ARF4: variants seen among roughly 807,000 people sequenced by gnomAD.
ARF4 encodes ADP-ribosylation factor 4.
Under a neutral mutation model 24.3 loss-of-function variants are expected in ARF4, and 5 were observed. The ratio of observed to expected loss-of-function variants is 0.21; its 90% CI spans 0.11 to 0.43. The LOEUF (loss-of-function observed/expected upper bound fraction) is 0.43, where lower values mean the gene tolerates loss of function less well. Ranked by LOEUF, ARF4 falls within the 20% of genes least tolerant of loss-of-function variation. The probability of loss-of-function intolerance (pLI) is 1.00; values close to 1 mark genes in which losing one functional copy is unlikely to be tolerated. For missense variants in ARF4, 107 were observed against 213.0 expected, an observed-to-expected ratio of 0.50 and a Z score of 3.10; for synonymous variants, 62 against 73.5, an observed-to-expected ratio of 0.84 and a Z score of 0.80.
At chr3:57,577,236 G>A (rs1371311814) in intron 4 of ARF4, 80 bp downstream of exon 4, 1 of 1,187,092 alleles carries the variant, frequency 8.4e-7, no homozygotes, top group South Asian at 1.3e-5. Context: ...TCTAATCATA[G>A]TCAAAATGTA....
chr3:57,575,435 G>T, intron 5 of ARF4, 113 bp downstream of exon 5: 1 of 1,060,064 alleles, frequency 9.4e-7, no homozygotes, highest in South Asian at 2.6e-5. Context: ...TAAATGATGT[G>T]CTCATTATTT....
At chr3:57,596,967 C>G in intron 1 of ARF4, 107 bp downstream of exon 1, 1 of 1,267,900 alleles carries the variant, frequency 7.9e-7, no homozygotes, top group African/African-American at 1.5e-5. Flanking sequence ...ACCCGGCGCC[C>G]CTCCCCCACC....
intron 1 of ARF4, 76 bp from the exon 2 acceptor site, chr3:57,584,540 G>C: frequency 7.7e-7 from 1 of 1,295,860 alleles, no homozygotes; most frequent in Non-Finnish European, 1.1e-6. Context: ...TAAATTTATA[G>C]TTCAAAACTA....
At chr3:57,581,448 CTTGGTCA>C (rs2069969554) in intron 3 of ARF4, among the ~76,000 whole-genome samples, 1 of 152,156 alleles carries the variant, frequency 6.6e-6, no homozygotes, top group African/African-American at 2.4e-5. Flanking sequence ...CAGGGTTACC[CTTGGTCA>C]AGAATTATTA....
At chr3:57,581,536 C>T (rs11720508) in intron 3 of ARF4, among the ~76,000 whole-genome samples, 20,308 of 152,242 alleles carry the variant, frequency 0.13, 1,442 homozygotes, top group South Asian at 0.21. Flanking sequence ...CGCAGTAGCT[C>T]ATGCCTGTAA....
intron 2 of ARF4, 52 bp from the exon 3 acceptor site, chr3:57,584,059 AC>A (rs1398821192): frequency 2.4e-6 from 3 of 1,236,866 alleles, no homozygotes; most frequent in South Asian, 2.6e-5. Context: ...AGAAAATAAA[AC>A]CTTTTATTGT....
rs938032119 is a variant in ARF4, at chr3:57,577,353, T to C, written c.293A>G (p.Glu98Gly). 1.2e-6 allele frequency: 2 copies of C among 1,613,780 alleles called. No homozygotes were observed. The highest frequency in any genetic ancestry group is 1.7e-6 in the Non-Finnish European group (2 of 1,179,906). ...LIFVVDSNDR[E>G]RIQEVADELQ... ...CTCATCTGCTACTTCCTGAATTCTT[T>C]CACGATCGTTGCTATCTACCACAAA... is the stretch of plus-strand genomic sequence containing the variant. Residue 98 changes from glutamate (E) to glycine (G), a missense_variant, in exon 4 of 6, where the codon GAA becomes GGA. Transcript: ENST00000303436.
chr3:57,580,751 ACTG>A (rs1032742024), intron 3 of ARF4, among the ~76,000 whole-genome samples: 4 of 149,512 alleles, frequency 2.7e-5, no homozygotes, highest in Non-Finnish European at 5.9e-5. Context: ...TTTTATTTTG[ACTG>A]CTAACTTCCC....
At chr3:57,582,422 T>C (rs2069986264) in intron 3 of ARF4, among the ~76,000 whole-genome samples, 1 of 142,438 alleles carries the variant, frequency 7.0e-6, no homozygotes, top group Non-Finnish European at 1.6e-5. Flanking sequence ...TTTGTATTTT[T>C]AGTAAAGACG....
Position 57,597,130 on chromosome 3 carries a change from G to A in ARF4, c.11C>T (p.Thr4Ile), listed in dbSNP as rs1316437277. ...TAGTCGGGAGAAGAGGGAGGAGATA[G>A]TGAGGCCCATGGCGGTAGTGGCACT... Reference protein sequence around the residue: MGLTISSLFSRLFG... With the variant: MGLIISSLFSRLFG... Residue 4 changes from threonine (T) to isoleucine (I), a missense_variant, in exon 1 of 6, where the codon ACT becomes ATT. Coordinates refer to ENST00000303436, the MANE Select transcript of ARF4 (RefSeq NM_001660.4). The A allele has an allele frequency of 3.7e-6, 6 of 1,614,014 alleles. No individual in the cohort carries two copies. The highest frequency in any genetic ancestry group is 2.7e-5 in the African/African-American group (2 of 74,940).
chr3:57,590,089 C>CAATAAATAAATAAATAAATA (rs71088095), intron 1 of ARF4, among the ~76,000 whole-genome samples: 1 of 135,164 alleles, frequency 7.4e-6, no homozygotes, highest in East Asian at 2.1e-4. Context: ...GACTCTGTCT[C>CAATAAATAAATAAATAAATA]AATAAATAAA....
intron 1 of ARF4, among the ~76,000 whole-genome samples, chr3:57,593,030 C>A (rs576549446): frequency 6.6e-6 from 1 of 152,072 alleles, no homozygotes; most frequent in African/African-American, 2.4e-5. Context: ...AGAGCAAGAC[C>A]CCCATTCTCT....
intron 5 of ARF4, 53 bp downstream of exon 5, chr3:57,575,495 A>G: frequency 6.5e-7 from 1 of 1,527,908 alleles, no homozygotes; most frequent in Non-Finnish European, 8.8e-7. Flanking sequence ...TTACACAACT[A>G]TCCTAGTAAG....
chr3:57,593,113 G>A (rs2070134879), intron 1 of ARF4, among the ~76,000 whole-genome samples: 1 of 152,098 alleles, frequency 6.6e-6, no homozygotes, highest in Non-Finnish European at 1.5e-5. Context: ...TAAGGCAGGA[G>A]GGATTGCTTG....
intron 3 of ARF4, among the ~76,000 whole-genome samples, chr3:57,579,796 C>T (rs957008687): frequency 6.6e-6 from 1 of 152,136 alleles, no homozygotes; most frequent in African/African-American, 2.4e-5. Flanking sequence ...AAAACCATCA[C>T]TTTAAATATC....
At chr3:57,572,382 A>ACTT (rs900453915) in intron 5 of ARF4, 84 bp from the exon 6 acceptor site, 24 of 1,071,304 alleles carry the variant, frequency 2.2e-5, no homozygotes, top group Non-Finnish European at 3.4e-5. Flanking sequence ...CAAACTTAAG[A>ACTT]GTCTTTTCAC....
intron 3 of ARF4, among the ~76,000 whole-genome samples, chr3:57,583,695 G>A (rs150527751): frequency 1.2e-3 from 176 of 151,988 alleles, no homozygotes; most frequent in Non-Finnish European, 2.1e-3. Context: ...AACACTTACC[G>A]CAATTGCTTT....
chr3:57,582,834 G>A (rs2069992129), intron 3 of ARF4, among the ~76,000 whole-genome samples: 1 of 152,178 alleles, frequency 6.6e-6, no homozygotes, highest in Non-Finnish European at 1.5e-5. Context: ...GTTAAACAAA[G>A]GTAGAGTGAG....
At chr3:57,592,202 ATTT>A (rs2070124112) in intron 1 of ARF4, among the ~76,000 whole-genome samples, 2 of 152,090 alleles carry the variant, frequency 1.3e-5, no homozygotes, top group African/African-American at 4.8e-5. Flanking sequence ...GTATCTTAAT[ATTT>A]TGGCCAGGCA....
Sources: allele counts gnomAD v4.1 joint callset (sites outside exome capture counted in the v4.1 genomes callset), GRCh38; gene constraint gnomAD v4.1.1; transcripts MANE v1.5; gene names NCBI Gene and HGNC (gene_info 2026-07-23, HGNC 2026-07-21).